The following CWC27 variants were observed in gnomAD, a reference collection of about 807,000 sequenced individuals.
The protein encoded by CWC27 is spliceosome-associated protein CWC27 homolog.
In CWC27, 47 loss-of-function variants were observed where a neutral mutation model predicts 63.6. That is an observed-to-expected ratio of 0.74 (90% CI 0.58 to 0.94). The LOEUF is 0.94. Among genes scored for constraint, CWC27 ranks in the 40% least tolerant of loss-of-function variants. CWC27 has a pLI of 0.00. For synonymous variants in CWC27, 175 were observed against 179.8 expected (o/e 0.97, Z 0.22); for missense variants, 495 against 554.3 (o/e 0.89, Z 1.07).
At chr5:65,010,421 T>A (rs1363466774) in intron 13 of CWC27, among the ~76,000 whole-genome samples, 2 of 152,206 alleles carry the variant, frequency 1.3e-5, no homozygotes, top group Middle Eastern at 3.2e-3. Context: ...CTTTCAACCC[T>A]ACCCCTAAAA....
At chr5:65,014,954 T>G (rs895131216) in intron 13 of CWC27, among the ~76,000 whole-genome samples, 1 of 152,242 alleles carries the variant, frequency 6.6e-6, no homozygotes, top group Non-Finnish European at 1.5e-5. Flanking sequence ...TGTAAGCTGA[T>G]AGCCCTTTCT....
chr5:64,817,239 T>C (rs567216170), intron 10 of CWC27, among the ~76,000 whole-genome samples: 15 of 152,276 alleles, frequency 9.9e-5, no homozygotes, highest in African/African-American at 2.9e-4. Context: ...TAGCCATTCA[T>C]TCTTTTTGTT....
chr5:64,922,888 C>T (rs1392007835), intron 11 of CWC27, among the ~76,000 whole-genome samples: 3 of 152,142 alleles, frequency 2.0e-5, no homozygotes, highest in East Asian at 3.8e-4. Context: ...TTGGAGGGCG[C>T]GGGCTCAGCT....
chr5:64,989,953 C>T (rs1749502769), intron 13 of CWC27, among the ~76,000 whole-genome samples: 1 of 151,530 alleles, frequency 6.6e-6, no homozygotes, highest in African/African-American at 2.4e-5. Flanking sequence ...AGGTATTTGG[C>T]TCAGTTAATC....
chr5:64,991,770 C>T (rs1232328832), intron 13 of CWC27, among the ~76,000 whole-genome samples: 1 of 152,014 alleles, frequency 6.6e-6, no homozygotes, highest in Non-Finnish European at 1.5e-5. Flanking sequence ...CAACGGAAAC[C>T]AATTAAAGGT....
chr5:65,004,624 TCTGTTCTCTTGTATCTCA>T (rs1486695146), intron 13 of CWC27, among the ~76,000 whole-genome samples: 1 of 150,986 alleles, frequency 6.6e-6, no homozygotes, highest in Non-Finnish European at 1.5e-5. Context: ...ATTGTTTATC[TCTGTTCTCTTGTATCTCA>T]CTTAGTTTGT....
At chr5:64,920,958 A>G (rs562159413) in intron 11 of CWC27, among the ~76,000 whole-genome samples, 45 of 151,730 alleles carry the variant, frequency 3.0e-4, no homozygotes, top group Admixed American at 1.9e-3. Flanking sequence ...ATTTTATTCA[A>G]TTCAGCTCTG....
At chr5:64,801,992 G>A (rs373658728) in intron 9 of CWC27, among the ~76,000 whole-genome samples, 13 of 152,150 alleles carry the variant, frequency 8.5e-5, no homozygotes, top group Non-Finnish European at 1.8e-4. Context: ...GCTCTCTATG[G>A]CTATCAGTAG....
At chr5:64,808,190 TC>T in intron 10 of CWC27, 1 of 1,005,366 alleles carries the variant, frequency 9.9e-7, no homozygotes, top group Non-Finnish European at 1.2e-6. Context: ...GAATCTGCAT[TC>T]TAACAAGATC....
At chr5:64,791,454 CTT>C (rs34353110) in intron 7 of CWC27, among the ~76,000 whole-genome samples, 46 of 149,818 alleles carry the variant, frequency 3.1e-4, no homozygotes, top group African/African-American at 9.8e-4. Flanking sequence ...ATAGTGCTGT[CTT>C]TTTTTTTTTC....
chr5:64,782,144 T>C (rs1743719416), intron 3 of CWC27, 111 bp downstream of exon 3: 1 of 558,918 alleles, frequency 1.8e-6, no homozygotes. Context: ...AAAAAACGTT[T>C]CACATTAGTA....
At chr5:64,843,840 G>A (rs931899496) in intron 10 of CWC27, among the ~76,000 whole-genome samples, 4 of 152,024 alleles carry the variant, frequency 2.6e-5, no homozygotes, top group Admixed American at 2.6e-4. Flanking sequence ...AATGTACAGG[G>A]TCTGGTGCCT....
chr5:64,825,088 C>G (rs1333845699), intron 10 of CWC27, among the ~76,000 whole-genome samples: 1 of 152,042 alleles, frequency 6.6e-6, no homozygotes, highest in Non-Finnish European at 1.5e-5. Context: ...CCTGTGGATA[C>G]ATTTAAGAAG....
At chr5:64,826,872 A>T (rs1745377336) in intron 10 of CWC27, among the ~76,000 whole-genome samples, 1 of 152,062 alleles carries the variant, frequency 6.6e-6, no homozygotes, top group African/African-American at 2.4e-5. Flanking sequence ...TTTTCTTCAG[A>T]GCATTGTGTG....
At chr5:64,945,267 T>C (rs1186434880) in intron 11 of CWC27, among the ~76,000 whole-genome samples, 2 of 152,206 alleles carry the variant, frequency 1.3e-5, no homozygotes, top group Admixed American at 6.5e-5. Flanking sequence ...ATATGTCTTA[T>C]TAATTTGTTG....
chr5:64,979,263 C>G (rs1749288431), intron 13 of CWC27, among the ~76,000 whole-genome samples: 1 of 152,202 alleles, frequency 6.6e-6, no homozygotes, highest in Non-Finnish European at 1.5e-5. Flanking sequence ...ATTAGCAGGT[C>G]TTCAGGGCGT....
intron 13 of CWC27, among the ~76,000 whole-genome samples, chr5:65,005,464 A>G (rs763929842): frequency 1.1e-4 from 17 of 151,780 alleles, no homozygotes; most frequent in Non-Finnish European, 2.4e-4. Context: ...GCTTAACCTC[A>G]GGCCCCTGGA....
rs1232749178 is a variant in CWC27, at chr5:64,990,314, G to A, written c.1256+13076G>A. Reference sequence around the variant, plus strand: ...GAGTCTCGCTCTATCACCCAGGCTGGAGTGCAGTGGCGGGATCTCGGCTCA... The same window carrying A: ...GAGTCTCGCTCTATCACCCAGGCTGAAGTGCAGTGGCGGGATCTCGGCTCA... On this transcript the variant is annotated intron_variant, in intron 13 of 13. Coordinates refer to ENST00000381070, the MANE Select transcript of CWC27 (RefSeq NM_005869.4). 7.2e-5 allele frequency among the ~76,000 whole-genome samples: 3 copies of A among 41,790 alleles called. 1 individual carries two copies. The highest frequency in any genetic ancestry group is 3.1e-4 in the African/African-American group (3 of 9,830). 27.4% of individuals were successfully genotyped at this position (41,790 alleles called of 152,430 possible). A position where few individuals can be genotyped will look rare whatever the true frequency, so the allele number is the denominator to read the frequency against.
chr5:64,899,731 T>C (rs1187097025), intron 11 of CWC27, among the ~76,000 whole-genome samples: 1 of 152,226 alleles, frequency 6.6e-6, no homozygotes, highest in Admixed American at 6.5e-5. Context: ...TTTGACATGT[T>C]TTGACGTATG....
Sources: allele counts gnomAD v4.1 joint callset (sites outside exome capture counted in the v4.1 genomes callset), GRCh38; gene constraint gnomAD v4.1.1; transcripts MANE v1.5; gene names NCBI Gene and HGNC (gene_info 2026-07-23, HGNC 2026-07-21).